PCCA: variants seen among roughly 807,000 people sequenced by gnomAD.
The protein encoded by PCCA is propionyl-CoA carboxylase subunit alpha.
Under a neutral mutation model 101.3 loss-of-function variants are expected in PCCA, and 74 were observed. The ratio of observed to expected loss-of-function variants is 0.73; its 90% CI spans 0.61 to 0.89. The LOEUF (loss-of-function observed/expected upper bound fraction) is 0.89, where lower values mean the gene tolerates loss of function less well. Ranked by LOEUF, PCCA falls within the 40% of genes least tolerant of loss-of-function variation. The pLI, the probability that PCCA is intolerant of heterozygous loss-of-function variation, is 0.00. For missense variants in PCCA, 891 were observed against 907.0 expected (o/e 0.98, Z 0.23); for synonymous variants, 294 against 313.6 (o/e 0.94, Z 0.66).
chr13:100,412,582 T>A (rs1280053528), intron 19 of PCCA, among the ~76,000 whole-genome samples: 2 of 152,220 alleles, frequency 1.3e-5, no homozygotes, highest in East Asian at 3.8e-4. Context: ...AAAAGTAAGG[T>A]CATGGCGGTG....
At chr13:100,334,946 T>C (rs1054360183) in intron 17 of PCCA, among the ~76,000 whole-genome samples, 1 of 152,188 alleles carries the variant, frequency 6.6e-6, no homozygotes, top group East Asian at 1.9e-4. Flanking sequence ...ACTGGATTAA[T>C]TTAAAAAGTA....
intron 20 of PCCA, among the ~76,000 whole-genome samples, chr13:100,448,724 C>T (rs1566332767): frequency 6.6e-6 from 1 of 152,154 alleles, no homozygotes. Flanking sequence ...TTTCACTACT[C>T]TCTGGACATA....
intron 19 of PCCA, among the ~76,000 whole-genome samples, chr13:100,412,681 A>T (rs774924330): frequency 2.0e-5 from 3 of 151,924 alleles, no homozygotes; most frequent in Non-Finnish European, 2.9e-5. Context: ...GTTTTTTTTT[A>T]AACCAGGGTC....
chr13:100,383,340 A>T (rs1293780286), intron 19 of PCCA, among the ~76,000 whole-genome samples: 5 of 151,756 alleles, frequency 3.3e-5, no homozygotes, highest in Non-Finnish European at 7.4e-5. Flanking sequence ...GCAATATAAG[A>T]TTTGAGACTG....
At chr13:100,387,764 G>A (rs965169764) in intron 19 of PCCA, among the ~76,000 whole-genome samples, 27 of 152,296 alleles carry the variant, frequency 1.8e-4, no homozygotes, top group South Asian at 4.1e-4. Flanking sequence ...TCACAAAAAT[G>A]TGAAGATCCT....
At chr13:100,195,867 T>C (rs1404882536) in intron 6 of PCCA, among the ~76,000 whole-genome samples, 1 of 152,180 alleles carries the variant, frequency 6.6e-6, no homozygotes, top group Non-Finnish European at 1.5e-5. Context: ...AGTATCCTGA[T>C]GTGCACAAAG....
intron 14 of PCCA, among the ~76,000 whole-genome samples, chr13:100,305,376 C>T (rs1195823665): frequency 6.6e-6 from 1 of 152,164 alleles, no homozygotes; most frequent in Non-Finnish European, 1.5e-5. Context: ...AAGTAAGGAA[C>T]TGTAGAAGAA....
chr13:100,124,428 C>T (rs761670115), intron 4 of PCCA, among the ~76,000 whole-genome samples: 1 of 152,192 alleles, frequency 6.6e-6, no homozygotes, highest in Non-Finnish European at 1.5e-5. Context: ...CTTACCCAGG[C>T]AGCCTGCTGT....
At position 100,309,724 on chromosome 13, in the gene PCCA, GAT is replaced by G. The variant is rs2066754337; in HGVS notation, c.1354-104_1354-103del. 4 of 704,188 alleles carry G rather than the reference GAT, an allele frequency of 5.7e-6. No individual in the cohort carries two copies. In the South Asian group the frequency reaches 7.6e-5, roughly 13 times the overall value. The allele number at this position is 704,188 out of a possible 1,614,324, so 43.6% of individuals were successfully genotyped here. On this transcript the variant is annotated intron_variant, in intron 15 of 23. Transcript: ENST00000376285. ...AAACTGAACTATCATAAAATTTCGA[GAT>G]ATATTTAGAAATCTGTTATGAAATA...
At chr13:100,514,871 G>T (rs911442187) in intron 21 of PCCA, among the ~76,000 whole-genome samples, 27 of 152,246 alleles carry the variant, frequency 1.8e-4, no homozygotes, top group African/African-American at 6.5e-4. Context: ...TTTCAGTCAT[G>T]AATATAACAT....
chr13:100,451,250 T>C (rs1250366525), intron 21 of PCCA, among the ~76,000 whole-genome samples: 1 of 152,166 alleles, frequency 6.6e-6, no homozygotes, highest in Non-Finnish European at 1.5e-5. Context: ...TACATCTCAG[T>C]GTTTGACCTA....
At chr13:100,463,418 G>A (rs1400896278) in intron 21 of PCCA, among the ~76,000 whole-genome samples, 1 of 141,180 alleles carries the variant, frequency 7.1e-6, no homozygotes, top group Non-Finnish European at 1.5e-5. Context: ...CACTTCTTTA[G>A]AATCCAGTGT....
At chr13:100,173,162 G>A (rs899692373) in intron 6 of PCCA, among the ~76,000 whole-genome samples, 1 of 152,176 alleles carries the variant, frequency 6.6e-6, no homozygotes, top group Non-Finnish European at 1.5e-5. Flanking sequence ...GGGAAAAACA[G>A]GCAGGAGAGA....
chr13:100,525,091 C>T (rs1345264878), intron 22 of PCCA, among the ~76,000 whole-genome samples: 1 of 151,864 alleles, frequency 6.6e-6, no homozygotes, highest in Non-Finnish European at 1.5e-5. Context: ...GTAGACACCA[C>T]GAGAGGAACT....
chr13:100,489,240 G>A (rs1004341605), intron 21 of PCCA, among the ~76,000 whole-genome samples: 5 of 152,094 alleles, frequency 3.3e-5, no homozygotes, highest in Admixed American at 6.5e-5. Context: ...CCCGGGAGGC[G>A]GAGCTTGCAG....
chr13:100,264,111 GGTATCTGTATATCGTATATATA>G (rs2062754074), intron 10 of PCCA, among the ~76,000 whole-genome samples: 1 of 106,616 alleles, frequency 9.4e-6, no homozygotes, highest in African/African-American at 3.4e-5. Context: ...GTATATATAC[GGTATCTGTATATCGTATATATA>G]TGGTATCTGT....
At chr13:100,466,174 A>C (rs2152949180) in intron 21 of PCCA, 1 of 152,360 alleles carries the variant, frequency 6.6e-6, no homozygotes, top group Middle Eastern at 3.4e-3. Flanking sequence ...TTTTGTCTTC[A>C]GTTTTGTAAA....
intron 20 of PCCA, among the ~76,000 whole-genome samples, chr13:100,435,989 G>T (rs891019406): frequency 2.6e-5 from 4 of 152,018 alleles, no homozygotes; most frequent in African/African-American, 4.8e-5. Flanking sequence ...GTTGCAGTGA[G>T]CTGAGATCGA....
intron 20 of PCCA, among the ~76,000 whole-genome samples, chr13:100,428,279 G>A (rs2079295912): frequency 6.6e-6 from 1 of 151,436 alleles, no homozygotes; most frequent in Non-Finnish European, 1.5e-5. Context: ...TGTTGCCCAG[G>A]CTGGTTTGGA....
Sources: allele counts gnomAD v4.1 joint callset (sites outside exome capture counted in the v4.1 genomes callset), GRCh38; gene constraint gnomAD v4.1.1; transcripts MANE v1.5; gene names NCBI Gene and HGNC (gene_info 2026-07-23, HGNC 2026-07-21).